MYO10: variants seen among roughly 807,000 people sequenced by gnomAD.
The protein encoded by MYO10 is unconventional myosin-X.
In MYO10, 133 loss-of-function variants were observed where a neutral mutation model predicts 257.3. The ratio of observed to expected loss-of-function variants is 0.52; its 90% confidence interval spans 0.45 to 0.60. MYO10 has a LOEUF of 0.60. Ranked by LOEUF, MYO10 falls within the 20% of genes least tolerant of loss-of-function variation. The probability of loss-of-function intolerance (pLI) is 0.00; values close to 1 mark genes in which losing one functional copy is unlikely to be tolerated. For synonymous variants in MYO10, 1,104 were observed against 1,028.6 expected (o/e 1.07, Z -1.40); for missense variants, 2,399 against 2,635.7 (o/e 0.91, Z 1.97).
rs918837686 is a variant in MYO10, at chr5:16,756,958, G to A, written c.1848+1160C>T. On this transcript the variant is annotated intron_variant, in intron 18 of 40. Transcript: ENST00000513610. ...TCAGTAAAACATCTAAAAATTAGCC[G>A]GGTATGAAAAATTAGCCATGCGTAA... Among the ~76,000 whole-genome samples the A allele has an allele frequency of 4.8e-4, 72 of 151,500 alleles. 1 individual carries two copies. The highest frequency in any genetic ancestry group is 3.2e-3 in the Admixed American group (49 of 15,096).
At chr5:16,778,450 A>G (rs1483718308) in intron 9 of MYO10, among the ~76,000 whole-genome samples, 4 of 152,156 alleles carry the variant, frequency 2.6e-5, no homozygotes, top group African/African-American at 9.6e-5. Flanking sequence ...AGAATCTCCA[A>G]GCGTCCCAAG....
intron 19 of MYO10, among the ~76,000 whole-genome samples, chr5:16,748,498 G>A (rs10037703): frequency 4.1e-5 from 3 of 74,036 alleles, no homozygotes; most frequent in Non-Finnish European, 8.9e-5. Flanking sequence ...GCGCCCCCCC[G>A]CCCCCCATCA....
At chr5:16,809,965 CT>C (rs1008731821) in intron 3 of MYO10, among the ~76,000 whole-genome samples, 5 of 152,170 alleles carry the variant, frequency 3.3e-5, no homozygotes, top group African/African-American at 1.2e-4. Flanking sequence ...GGAGTCTCCT[CT>C]GCGCAACTGA....
chr5:16,689,769 C>T (rs779607376), intron 28 of MYO10, 55 bp downstream of exon 28: 1,028 of 1,409,564 alleles, frequency 7.3e-4, no homozygotes, highest in Non-Finnish European at 9.3e-4. Flanking sequence ...GATGCTCACA[C>T]CTGTGCATGA....
chr5:16,776,423 G>GTA (rs1399685295), intron 9 of MYO10, among the ~76,000 whole-genome samples: 1 of 151,986 alleles, frequency 6.6e-6, no homozygotes, highest in Non-Finnish European at 1.5e-5. Flanking sequence ...CATCAGCTAA[G>GTA]TTTTCATTGA....
chr5:16,845,329 G>C (rs1561014797), intron 2 of MYO10, among the ~76,000 whole-genome samples: 1 of 152,018 alleles, frequency 6.6e-6, no homozygotes, highest in Non-Finnish European at 1.5e-5. Flanking sequence ...ATTTTAAAGA[G>C]CTGTCCCACG....
intron 2 of MYO10, among the ~76,000 whole-genome samples, chr5:16,872,295 A>G (rs1744475821): frequency 6.6e-6 from 1 of 152,216 alleles, no homozygotes; most frequent in Admixed American, 6.5e-5. Flanking sequence ...CAGCCACAAA[A>G]GCACATATAC....
At chr5:16,713,405 C>T (rs1397166007) in intron 19 of MYO10, 1 of 985,702 alleles carries the variant, frequency 1.0e-6, no homozygotes, top group African/African-American at 1.7e-5. Flanking sequence ...AAAACAACTG[C>T]CACACTGACC....
In MYO10 at chr5:16,763,477, T is replaced by C; in HGVS notation, c.1494+4A>G. 3 of 1,606,730 alleles carry C rather than the reference T, an allele frequency of 1.9e-6. No individual in the cohort carries two copies. The highest frequency in any genetic ancestry group is 2.6e-6 in the Non-Finnish European group (3 of 1,173,324). On this transcript the variant is annotated splice_donor_region_variant and intron_variant, in intron 14 of 40. Transcript: ENST00000513610. ...ACTGTAACCATTCTTCAAAAATACATTACCTTCTCAATCAAGTCCAGGCAT... is the reference window on the plus strand; with the variant it reads ...ACTGTAACCATTCTTCAAAAATACACTACCTTCTCAATCAAGTCCAGGCAT...
chr5:16,799,493 A>G (rs2126686009), intron 3 of MYO10, among the ~76,000 whole-genome samples: 1 of 123,528 alleles, frequency 8.1e-6, no homozygotes, highest in African/African-American at 3.0e-5. Context: ...TAGAAGAGAA[A>G]TACTTTTTTT....
intron 11 of MYO10, among the ~76,000 whole-genome samples, chr5:16,765,839 G>C (rs180948157): frequency 6.6e-6 from 1 of 152,092 alleles, no homozygotes; most frequent in South Asian, 2.1e-4. Flanking sequence ...ATCTGCATTC[G>C]ACCCATCCTC....
rs189424487 is a variant in MYO10, at chr5:16,739,804, T to C, written c.1929+15024A>G. Among the ~76,000 whole-genome samples, 3 of 152,316 alleles carry C rather than the reference T, an allele frequency of 2.0e-5. No individual in the cohort carries two copies. In the East Asian group the frequency reaches 5.8e-4, roughly 29 times the overall value. ...AAATATAAAGAGGGTTGTCTCTGGC[T>C]GGTAAAATTATGGGTAACTAATTTT... On this transcript the variant is annotated intron_variant, in intron 19 of 40. Transcript: ENST00000513610.
At chr5:16,896,433 T>C (rs1208756940) in intron 1 of MYO10, among the ~76,000 whole-genome samples, 1 of 151,866 alleles carries the variant, frequency 6.6e-6, no homozygotes, top group Non-Finnish European at 1.5e-5. Context: ...CTGTCTCTAC[T>C]AAAAATACAA....
intron 21 of MYO10, among the ~76,000 whole-genome samples, chr5:16,705,026 TA>T (rs1413995985): frequency 1.3e-5 from 2 of 152,194 alleles, no homozygotes; most frequent in African/African-American, 2.4e-5. Flanking sequence ...CTGGGACGAA[TA>T]GTTCATGGAC....
At chr5:16,676,335 A>T (rs746682972) in intron 33 of MYO10, among the ~76,000 whole-genome samples, 181 bp from the exon 34 acceptor site, 1 of 152,192 alleles carries the variant, frequency 6.6e-6, no homozygotes, top group Non-Finnish European at 1.5e-5. Flanking sequence ...ACAAAAATAC[A>T]TTCTTACAGC....
chr5:16,934,381 T>TC (rs1746376767), intron 1 of MYO10, among the ~76,000 whole-genome samples: 1 of 152,192 alleles, frequency 6.6e-6, no homozygotes, highest in African/African-American at 2.4e-5. Flanking sequence ...ACAACAAAGT[T>TC]AAGAATCATT....
At chr5:16,779,446 T>G in intron 9 of MYO10, 99 bp downstream of exon 9, 1 of 672,754 alleles carries the variant, frequency 1.5e-6, no homozygotes, top group Admixed American at 3.5e-5. Flanking sequence ...ATTACTTCTA[T>G]TTCTATTTAA....
At chr5:16,795,237 G>A (rs530071755) in intron 3 of MYO10, among the ~76,000 whole-genome samples, 1 of 152,344 alleles carries the variant, frequency 6.6e-6, no homozygotes, top group Admixed American at 6.5e-5. Flanking sequence ...GAGAAGAGAG[G>A]TAGCCAGGGG....
At chr5:16,746,519 A>ATCATAATTT (rs2126636159) in intron 19 of MYO10, among the ~76,000 whole-genome samples, 1 of 152,326 alleles carries the variant, frequency 6.6e-6, no homozygotes, top group East Asian at 1.9e-4. Context: ...AGTGAATTTC[A>ATCATAATTT]TCATAATTTT....
Sources: gnomAD v4.1 joint callset for allele counts (sites outside exome capture counted in the v4.1 genomes callset) on GRCh38, gnomAD v4.1.1 for gene constraint, MANE v1.5 for transcripts, NCBI Gene and HGNC (gene_info 2026-07-23, HGNC 2026-07-21) for gene names.